TLR1: variants seen among roughly 807,000 people sequenced by gnomAD.
TLR1 encodes the protein toll like receptor 1.
A neutral mutation model predicts 20.2 loss-of-function variants in TLR1; 19 were observed. That is an observed-to-expected ratio of 0.94 (90% confidence interval 0.66 to 1.38). The LOEUF (loss-of-function observed/expected upper bound fraction) is 1.38. Among genes scored for constraint, TLR1 ranks in the 40% most tolerant of loss-of-function variants. TLR1 has a pLI of 0.00. For synonymous variants in TLR1, 320 were observed against 334.5 expected (o/e 0.96, Z 0.47); for missense variants, 921 against 910.0 (o/e 1.01, Z -0.16).
rs1726285328 is a variant in TLR1, at chr4:38,798,105, T to G, written c.727A>C (p.Asn243His). 1 of 1,613,678 alleles carries G rather than the reference T, an allele frequency of 6.2e-7. No individual in the cohort carries two copies. Among genetic ancestry groups the G allele is most frequent in the African/African-American group, 1.3e-5 (1 of 75,032 alleles). ...AAGGTAAGATTTGATAACTTTGGAT[T>G]TGTTTGAAGTTTCGCCAGAATACTT... Reference protein sequence around the residue: ...FLSILAKLQTNPKLSNLTLNN... With the variant: ...FLSILAKLQTHPKLSNLTLNN... The change falls in exon 4 of 4, where the codon AAT becomes CAT. Residue 243 changes from asparagine (N) to histidine (H), a missense_variant. Asn to His is a moderately conservative substitution (Grantham distance 68). Transcript: ENST00000308979.
At position 38,796,673 on chromosome 4, in the gene TLR1, T is replaced by A; in HGVS notation, c.2159A>T (p.His720Leu). 1 of 1,614,180 alleles carries A rather than the reference T, an allele frequency of 6.2e-7. No homozygotes were observed. Among genetic ancestry groups the A allele is most frequent in the Non-Finnish European group, 8.5e-7 (1 of 1,180,032 alleles). Reference protein sequence around the residue: ...ELYFAHHNLFHEGSNSLILIL... With the variant: ...ELYFAHHNLFLEGSNSLILIL... ...CAGGATTAAGCTATTAGATCCTTCATGAAAGAGATTGTGATGGGCAAAGTA... is the reference window on the plus strand; with the variant it reads ...CAGGATTAAGCTATTAGATCCTTCAAGAAAGAGATTGTGATGGGCAAAGTA... Residue 720 changes from histidine (H) to leucine (L), a missense_variant, in exon 4 of 4, where the codon CAT (histidine) becomes CTT (leucine). By Grantham distance (99) the His-to-Leu change is moderately conservative. Coordinates refer to ENST00000308979, the MANE Select transcript of TLR1 (RefSeq NM_003263.4).
chr4:38,787,946 G>A (rs550924660), downstream of TLR1, among the ~76,000 whole-genome samples: 8 of 152,140 alleles, frequency 5.3e-5, no homozygotes, highest in South Asian at 1.5e-3. Context: ...CCTGACTCCC[G>A]CTCCCACTTC....
At chr4:38,799,124 G>T (rs929727930) in intron 3 of TLR1, among the ~76,000 whole-genome samples, 1 of 152,176 alleles carries the variant, frequency 6.6e-6, no homozygotes, top group Non-Finnish European at 1.5e-5. Context: ...AGGTTGAATG[G>T]TGGCTCACCA....
At chr4:38,801,743 C>T (rs1002339117) in intron 2 of TLR1, among the ~76,000 whole-genome samples, 3 of 152,200 alleles carry the variant, frequency 2.0e-5, no homozygotes, top group African/African-American at 7.2e-5. Flanking sequence ...TGTCCTTTTT[C>T]CCTTAACAAC....
chr4:38,791,941 G>A (rs1388575644), downstream of TLR1, among the ~76,000 whole-genome samples: 1 of 152,194 alleles, frequency 6.6e-6, no homozygotes, highest in Non-Finnish European at 1.5e-5. Flanking sequence ...AAATTCAGGT[G>A]GAGGTCCGAG....
At chr4:38,794,564 A>G (rs189551810), downstream of TLR1, 4 of 152,110 alleles carry the variant, frequency 2.6e-5, no homozygotes, top group East Asian at 7.7e-4. Flanking sequence ...TTCTGTTTAG[A>G]ATGGCCTTTC....
chr4:38,795,240 G>A (rs1469201108), downstream of TLR1, among the ~76,000 whole-genome samples: 2 of 152,202 alleles, frequency 1.3e-5, no homozygotes, highest in Non-Finnish European at 2.9e-5. Flanking sequence ...GCTTCTACAA[G>A]CATCCCACGC....
At chr4:38,805,253 A>C (rs976725991), upstream of TLR1, 3 of 152,242 alleles carry the variant, frequency 2.0e-5, no homozygotes, top group African/African-American at 7.2e-5. Context: ...CACACTCGTA[A>C]AGAGGGAAGA....
chr4:38,791,693 G>C (rs80287277), downstream of TLR1, among the ~76,000 whole-genome samples: 4,957 of 152,084 alleles, frequency 0.033, 302 homozygotes, highest in African/African-American at 0.11. Context: ...CATATTTGTT[G>C]GTATAATAAG....
intron 2 of TLR1, among the ~76,000 whole-genome samples, chr4:38,802,964 G>C (rs1726774377): frequency 6.6e-6 from 1 of 152,154 alleles, no homozygotes; most frequent in South Asian, 2.1e-4. Context: ...GAGAGAGAGA[G>C]AGCCAAAGCT....
chr4:38,793,990 G>GT (rs1329939905), downstream of TLR1, among the ~76,000 whole-genome samples: 9 of 152,046 alleles, frequency 5.9e-5, no homozygotes, highest in East Asian at 1.7e-3. Flanking sequence ...AAAGAGACTG[G>GT]GTTGTCCACA....
At position 38,798,426 on chromosome 4, in the gene TLR1, C is replaced by T. The variant is rs1228484036; in HGVS notation, c.406G>A (p.Gly136Ser). The T allele has an allele frequency of 1.9e-6, 3 of 1,613,392 alleles. No homozygotes were observed. The highest frequency in any genetic ancestry group is 1.7e-5 in the Admixed American group (1 of 59,966). ...FDALPICKEFGNMSQLKFLGL... is the reference protein window; with the variant it reads ...FDALPICKEFSNMSQLKFLGL... Reference sequence around the variant, plus strand: ...AGAAATTTTAGTTGAGACATATTGCCAAACTCTTTGCATATAGGCAGGGCA... The same window carrying T: ...AGAAATTTTAGTTGAGACATATTGCTAAACTCTTTGCATATAGGCAGGGCA... Residue 136 changes from glycine to serine, a missense_variant, in exon 4 of 4, where the codon GGC (glycine) becomes AGC (serine). Gly to Ser is a moderately conservative substitution (Grantham distance 56, BLOSUM62 0). Transcript: ENST00000308979.
rs1158458292 is a variant in TLR1, at chr4:38,796,544, C to T, written c.2288G>A (p.Ser763Asn). Residue 763 changes from serine to asparagine, a missense_variant, in exon 4 of 4, where the codon AGC (serine) becomes AAC (asparagine). By Grantham distance (46) the Ser-to-Asn change is conservative. Coordinates refer to ENST00000308979, the MANE Select transcript of TLR1 (RefSeq NM_003263.4). ...RTYLEWPKEKSKRGLFWANLR... is the reference protein window; with the variant it reads ...RTYLEWPKEKNKRGLFWANLR... ...GTTAGCCCAAAAAAGGCCACGTTTG[C>T]TCTTTTCCTTGGGCCATTCCAAATA... 1 of 1,614,176 alleles carries T rather than the reference C, an allele frequency of 6.2e-7. No homozygotes were observed. The highest frequency in any genetic ancestry group is 1.1e-5 in the South Asian group (1 of 91,088).
chr4:38,804,553 G>C (rs1726899792), intron 1 of TLR1, among the ~76,000 whole-genome samples, 171 bp from the exon 2 acceptor site: 1 of 152,166 alleles, frequency 6.6e-6, no homozygotes, highest in Non-Finnish European at 1.5e-5. Context: ...ATTCCCAGAG[G>C]AGTGTGGGGA....
At position 38,797,879 on chromosome 4, in the gene TLR1, T is replaced by A. The variant is rs755742703; in HGVS notation, c.953A>T (p.Tyr318Phe). ...VSDVFGFPQS[Y>F]IYEIFSNMNI... The stretch of plus-strand genomic sequence containing the variant: ...CATATTCGAAAAGATTTCATAGATA[T>A]AACTTTGCGGAAAACCGAACACATC... The change falls in exon 4 of 4, where the codon TAT becomes TTT. Residue 318 changes from tyrosine (Y) to phenylalanine (F), a missense_variant. Coordinates refer to ENST00000308979, the MANE Select transcript of TLR1 (RefSeq NM_003263.4). 7 of 1,613,962 alleles carry A rather than the reference T, an allele frequency of 4.3e-6. No homozygotes were observed. The African/African-American group carries it at 8.0e-5, about 18-fold the overall frequency.
At chr4:38,801,085 C>T (rs1350993469) in intron 2 of TLR1, 137 bp from the exon 3 acceptor site, 3 of 152,652 alleles carry the variant, frequency 2.0e-5, no homozygotes, top group Non-Finnish European at 4.4e-5. Flanking sequence ...AAGAGCTACT[C>T]ACACAAGGAG....
At chr4:38,801,380 T>G (rs1726631336) in intron 2 of TLR1, among the ~76,000 whole-genome samples, 1 of 152,214 alleles carries the variant, frequency 6.6e-6, no homozygotes, top group African/African-American at 2.4e-5. Context: ...ACTTCTACCT[T>G]CCAGAACTGT....
intron 2 of TLR1, among the ~76,000 whole-genome samples, chr4:38,801,568 A>T (rs1030114715): frequency 6.6e-6 from 1 of 152,220 alleles, no homozygotes; most frequent in Non-Finnish European, 1.5e-5. Flanking sequence ...CCTATGCCTG[A>T]ATCCAGATCA....
chr4:38,789,656 T>C (rs1419251091), downstream of TLR1, among the ~76,000 whole-genome samples: 1 of 151,992 alleles, frequency 6.6e-6, no homozygotes, highest in East Asian at 1.9e-4. Context: ...AGAGCCGGGG[T>C]TTCACCATGT....
Sources: allele counts gnomAD v4.1 joint callset (sites outside exome capture counted in the v4.1 genomes callset), GRCh38; gene constraint gnomAD v4.1.1; transcripts MANE v1.5; gene names NCBI Gene and HGNC (gene_info 2026-07-23, HGNC 2026-07-21).